Variants in URI1 observed in about 807,000 individuals in gnomAD.
URI1 encodes URI1 prefoldin like chaperone.
A neutral mutation model predicts 60.2 loss-of-function variants in URI1; 39 were observed. That is an observed-to-expected ratio of 0.65 (90% CI 0.50 to 0.85). URI1 has a LOEUF of 0.85. Among genes scored for constraint, URI1 ranks in the 40% least tolerant of loss-of-function variants. The pLI is 0.00. For missense variants in URI1, 691 were observed against 665.9 expected, an observed-to-expected ratio of 1.04 and a Z score of -0.42; for synonymous variants, 251 against 236.8, an observed-to-expected ratio of 1.06 and a Z score of -0.55.
At chr19:29,944,987 G>A (rs2055085265) in intron 1 of URI1, among the ~76,000 whole-genome samples, 1 of 152,202 alleles carries the variant, frequency 6.6e-6, no homozygotes, top group Non-Finnish European at 1.5e-5. Flanking sequence ...TAGAAGCGTA[G>A]TGACATCCTG....
chr19:29,939,699 T>A (rs2055004934), upstream of URI1, among the ~76,000 whole-genome samples: 1 of 152,212 alleles, frequency 6.6e-6, no homozygotes, highest in African/African-American at 2.4e-5. Context: ...CCTGTTATTA[T>A]TTGAACTGAG....
intron 1 of URI1, among the ~76,000 whole-genome samples, chr19:29,962,965 C>T (rs1311778824): frequency 1.3e-5 from 2 of 152,170 alleles, no homozygotes; most frequent in African/African-American, 2.4e-5. Context: ...GAAGTTAGCT[C>T]TAGCTCTAAG....
intron 1 of URI1, among the ~76,000 whole-genome samples, chr19:29,963,809 T>C (rs2055356010): frequency 6.6e-6 from 1 of 152,232 alleles, no homozygotes; most frequent in Admixed American, 6.5e-5. Flanking sequence ...GTTGTTGTTT[T>C]AGTAAGCCAT....
intron 1 of URI1, among the ~76,000 whole-genome samples, chr19:29,949,094 C>T (rs566158223): frequency 7.8e-4 from 117 of 150,794 alleles, no homozygotes; most frequent in Non-Finnish European, 1.4e-3. Context: ...CGGGCGGAGA[C>T]GCTCCTCACT....
chr19:30,007,535 A>G lies in URI1; in HGVS notation c.583A>G (p.Ile195Val), dbSNP rs2055959514. 1.2e-6 allele frequency: 2 copies of G among 1,613,518 alleles called. No homozygotes were observed. The highest frequency in any genetic ancestry group is 2.2e-5 in the East Asian group (1 of 44,846). ...AACTTCAGATATTTTTGAAGCAGAT[A>G]TTGCAAATGATGTGAAATCCAAGGA... ...PKTSDIFEAD[I>V]ANDVKSKDLL... Residue 195 changes from isoleucine to valine, a missense_variant, in exon 7 of 11, where the codon ATT becomes GTT. Transcript: ENST00000392271.
At chr19:29,947,094 G>T (rs1055997697) in intron 1 of URI1, among the ~76,000 whole-genome samples, 1 of 152,174 alleles carries the variant, frequency 6.6e-6, no homozygotes, top group South Asian at 2.1e-4. Flanking sequence ...GGAGTGAGCT[G>T]TGTGGATATA....
At chr19:29,995,953 A>G (rs933389915) in intron 4 of URI1, among the ~76,000 whole-genome samples, 2 of 151,956 alleles carry the variant, frequency 1.3e-5, no homozygotes, top group African/African-American at 4.8e-5. Context: ...TTTGTATTCT[A>G]TTTTTTGGTC....
intron 1 of URI1, among the ~76,000 whole-genome samples, chr19:29,948,435 G>A (rs1215859470): frequency 1.3e-5 from 2 of 152,154 alleles, no homozygotes; most frequent in Admixed American, 6.5e-5. Flanking sequence ...GTTTTTATGA[G>A]TGGGTGTTGA....
In URI1 at chr19:29,970,128, A is replaced by ATTTTTTTTTT. The variant is rs199739403; in HGVS notation, c.118-1046_118-1037dup. ...GACAGGTCTAAAAAAAATCGTGTGT[A>ATTTTTTTTTT]TTTTTTTTTTTTTTTTTTTTTTTTT... On this transcript the variant is annotated intron_variant, in intron 1 of 10. Transcript: ENST00000392271. Among the ~76,000 whole-genome samples, 7 of 74,538 alleles carry ATTTTTTTTTT rather than the reference A, an allele frequency of 9.4e-5. 1 individual carries two copies. Among genetic ancestry groups the ATTTTTTTTTT allele is most frequent in the African/African-American group, 1.9e-4 (4 of 20,864 alleles). The allele number at this position is 74,538 out of a possible 152,430, so 48.9% of individuals were successfully genotyped here.
At chr19:30,003,459 AC>A (rs1208280524) in intron 4 of URI1, among the ~76,000 whole-genome samples, 1 of 152,050 alleles carries the variant, frequency 6.6e-6, no homozygotes, top group Non-Finnish European at 1.5e-5. Flanking sequence ...TGATTTCTTA[AC>A]CTTGTGATAG....
In URI1 at chr19:29,983,004, A is replaced by G. The variant is rs147830045; in HGVS notation, c.153-2219A>G. The stretch of plus-strand genomic sequence containing the variant: ...GGGATTCACTCTCTGGTCTGACTTC[A>G]AAGCCATGTTCTTTCTGGTACATAG... On this transcript the variant is annotated intron_variant, in intron 2 of 10. Transcript: ENST00000392271. Among the ~76,000 whole-genome samples the G allele has an allele frequency of 2.9e-3, 438 of 152,340 alleles. 1 individual carries two copies. Among genetic ancestry groups the G allele is most frequent in the Middle Eastern group, 0.014 (4 of 294 alleles).
intron 2 of URI1, among the ~76,000 whole-genome samples, chr19:29,971,716 T>C (rs1179691701): frequency 6.6e-6 from 1 of 151,566 alleles, no homozygotes; most frequent in Non-Finnish European, 1.5e-5. Context: ...AGAGAGCATA[T>C]CTATTTTAAT....
At chr19:29,967,343 AT>A (rs1427301908) in intron 1 of URI1, among the ~76,000 whole-genome samples, 1 of 152,218 alleles carries the variant, frequency 6.6e-6, no homozygotes, top group Non-Finnish European at 1.5e-5. Context: ...AACCCTATTA[AT>A]TTATAAGTGT....
chr19:29,994,760 G>C (rs2055790316), intron 4 of URI1, among the ~76,000 whole-genome samples: 1 of 151,552 alleles, frequency 6.6e-6, no homozygotes, highest in East Asian at 1.9e-4. Context: ...GGAATTGCTG[G>C]ATCATATGGA....
rs758450090 is a variant in URI1, at chr19:30,005,656, A to T, written c.465A>T (p.Ala155=). The T allele has an allele frequency of 6.2e-7, 1 of 1,610,726 alleles. No individual in the cohort carries two copies. The highest frequency in any genetic ancestry group is 8.5e-7 in the Non-Finnish European group (1 of 1,178,782). Residue 155 remains alanine, a synonymous_variant, in exon 6 of 11, where the codon GCA becomes GCT. Transcript: ENST00000392271. ...TTTTTTTGTTTAAAAACCAGGCTGC[A>T]GGTGATATTGTTGACATACGAGAAG... is the stretch of plus-strand genomic sequence containing the variant. ...TEDLQKMSDA[A]GDIVDIREEI... is the part of the protein sequence containing the mutation.
intron 1 of URI1, among the ~76,000 whole-genome samples, chr19:29,959,557 A>G (rs1009663301): frequency 3.3e-5 from 5 of 152,232 alleles, no homozygotes; most frequent in African/African-American, 9.6e-5. Context: ...TTCAAAGACT[A>G]TCCAGATTTT....
chr19:29,951,552 CT>C (rs766190240), intron 1 of URI1, among the ~76,000 whole-genome samples: 466 of 139,806 alleles, frequency 3.3e-3, no homozygotes, highest in Admixed American at 2.9e-3. Context: ...AGCATGCATT[CT>C]TTTTTTTTTT....
At chr19:29,975,623 C>A (rs2055511939) in intron 2 of URI1, among the ~76,000 whole-genome samples, 1 of 151,834 alleles carries the variant, frequency 6.6e-6, no homozygotes, top group Admixed American at 6.6e-5. Flanking sequence ...CCTGACTCAG[C>A]CTCCGAAGTA....
chr19:29,970,477 C>G (rs969155023), intron 1 of URI1, among the ~76,000 whole-genome samples: 1 of 151,300 alleles, frequency 6.6e-6, no homozygotes, highest in African/African-American at 2.4e-5. Context: ...ATTGTCTAGT[C>G]TTCTTATTTT....
Sources: gnomAD v4.1 joint callset for allele counts (sites outside exome capture counted in the v4.1 genomes callset) on GRCh38, gnomAD v4.1.1 for gene constraint, MANE v1.5 for transcripts, NCBI Gene and HGNC (gene_info 2026-07-23, HGNC 2026-07-21) for gene names.